The following KANSL3 variants were observed in gnomAD, a reference collection of about 807,000 sequenced individuals.
KANSL3 encodes the protein KAT8 regulatory NSL complex subunit 3, also known as NSL complex protein NSL3.
A neutral mutation model predicts 89.2 loss-of-function variants in KANSL3; 16 were observed. The observed-to-expected ratio is 0.18, with a 90% CI of 0.12 to 0.27. The LOEUF is 0.27. Ranked by LOEUF, KANSL3 falls within the 10% of genes least tolerant of loss-of-function variation. The pLI, the probability that KANSL3 is intolerant of heterozygous loss-of-function variation, is 1.00. For missense variants in KANSL3, 879 were observed against 1,110.6 expected, an observed-to-expected ratio of 0.79 and a Z score of 2.96; for synonymous variants, 385 against 419.7, an observed-to-expected ratio of 0.92 and a Z score of 1.01.
At chr2:96,637,339 A>G in intron 1 of KANSL3, 154 bp from the exon 2 acceptor site, 1 of 478,720 alleles carries the variant, frequency 2.1e-6, no homozygotes, top group South Asian at 3.8e-5. Flanking sequence ...GTGGAATCCC[A>G]CACCAACACC....
At chr2:96,618,404 G>A (rs2070627457) in intron 5 of KANSL3, among the ~76,000 whole-genome samples, 1 of 152,092 alleles carries the variant, frequency 6.6e-6, no homozygotes, top group South Asian at 2.1e-4. Context: ...TGCTCAGGCT[G>A]GTCTCAAACT....
chr2:96,620,873 G>A (rs536857482), intron 3 of KANSL3, among the ~76,000 whole-genome samples: 8 of 152,108 alleles, frequency 5.3e-5, no homozygotes, highest in African/African-American at 1.4e-4. Context: ...ATGGTGGTGC[G>A]TGCCTGTAGC....
chr2:96,586,097 C>T, the KANSL3 span, among the ~76,000 whole-genome samples: 366 of 151,938 alleles, frequency 2.4e-3, 7 homozygotes, highest in East Asian at 0.043. Flanking sequence ...TGGTGGCGGG[C>T]ACCTGTAATC....
At chr2:96,582,272 C>A in the KANSL3 span, among the ~76,000 whole-genome samples, 1 of 152,032 alleles carries the variant, frequency 6.6e-6, no homozygotes, top group African/African-American at 2.4e-5. Flanking sequence ...GTGGCACACG[C>A]CTGTAATCCC....
rs1398833581 is a variant in KANSL3, at chr2:96,608,684, C to T, written c.1585-20G>A. 6.2e-7 allele frequency: 1 copy of T among 1,613,760 alleles called. No homozygotes were observed. The highest frequency in any genetic ancestry group is 8.5e-7 in the Non-Finnish European group (1 of 1,179,830). On this transcript the variant is annotated intron_variant, in intron 13 of 20. Transcript: ENST00000431828. ...GAGATCCTGAGTAAGGTGAGAAGGT[C>T]AAGAGATGAGACAATGTTACTAGGA...
chr2:96,604,229 G>A (rs1358622268), intron 17 of KANSL3, 21 bp downstream of exon 17: 1 of 1,580,870 alleles, frequency 6.3e-7, no homozygotes, highest in Non-Finnish European at 8.6e-7. Flanking sequence ...TGGAAGGGGA[G>A]AATGCTGGGC....
intron 1 of KANSL3, 65 bp from the exon 2 acceptor site, chr2:96,637,250 C>G (rs2074368488): frequency 1.5e-6 from 1 of 654,728 alleles, no homozygotes; most frequent in Admixed American, 2.9e-5. Context: ...TCTACACCAT[C>G]TAACATGCTT....
At chr2:96,586,068 T>C in the KANSL3 span, among the ~76,000 whole-genome samples, 1 of 151,576 alleles carries the variant, frequency 6.6e-6, no homozygotes, top group African/African-American at 2.4e-5. Flanking sequence ...CTACCAAGAA[T>C]ATAAAAATTA....
At chr2:96,591,644 T>G (rs534786077), downstream of KANSL3, among the ~76,000 whole-genome samples, 2 of 152,330 alleles carry the variant, frequency 1.3e-5, no homozygotes, top group Non-Finnish European at 2.9e-5. Context: ...ATGAACCACA[T>G]GACTTCATCT....
intron 14 of KANSL3, among the ~76,000 whole-genome samples, chr2:96,608,304 T>A (rs565194772): frequency 1.3e-5 from 2 of 152,300 alleles, no homozygotes; most frequent in East Asian, 3.9e-4. Context: ...AAGCTATAAC[T>A]AGTGATCACA....
intron 14 of KANSL3, chr2:96,606,018 G>C (rs1246898619): frequency 6.6e-6 from 1 of 152,668 alleles, no homozygotes; most frequent in Non-Finnish European, 1.5e-5. Context: ...AAAAAGTAGA[G>C]TTTTCCAAAG....
intron 3 of KANSL3, among the ~76,000 whole-genome samples, chr2:96,621,111 T>C (rs2071181045): frequency 6.6e-6 from 1 of 152,196 alleles, no homozygotes; most frequent in Admixed American, 6.5e-5. Flanking sequence ...TCCCTAAATG[T>C]AGGGCTGAGA....
At chr2:96,606,596 T>TTAAAAAA in intron 14 of KANSL3, 1 of 194,230 alleles carries the variant, frequency 5.1e-6, no homozygotes, top group Non-Finnish European at 1.1e-5. Context: ...TCTATGCTGA[T>TTAAAAAA]ATGTGGCTGG....
intron 3 of KANSL3, among the ~76,000 whole-genome samples, chr2:96,630,477 T>G (rs1451075548): frequency 1.3e-5 from 2 of 152,226 alleles, no homozygotes; most frequent in Admixed American, 1.3e-4. Context: ...TAGGCAAATC[T>G]ATAAAGACAA....
rs777185699 is a variant in KANSL3, at chr2:96,610,868, G to C, written c.1177C>G (p.Leu393Val). 1.2e-6 allele frequency: 2 copies of C among 1,613,932 alleles called. No individual in the cohort carries two copies. Among genetic ancestry groups the C allele is most frequent in the Admixed American group, 3.3e-5 (2 of 60,028 alleles). The change falls in exon 11 of 21, where the codon CTC becomes GTC. Residue 393 changes from leucine (L) to valine (V), a missense_variant. Transcript: ENST00000431828. ...DGPRGDVDDP[L>V]LDMKTPVLFV... ...AGGACTGGAGTCTTCATATCCAAGA[G>C]GGGATCATCTACATCCTAAAACAGG...
intron 9 of KANSL3, among the ~76,000 whole-genome samples, chr2:96,611,408 T>C (rs554207178): frequency 7.2e-5 from 11 of 152,328 alleles, no homozygotes; most frequent in African/African-American, 2.6e-4. Context: ...TCAGTATTCC[T>C]ACCCTGTCAA....
At chr2:96,607,214 A>T (rs577903425) in intron 14 of KANSL3, among the ~76,000 whole-genome samples, 5 of 152,308 alleles carry the variant, frequency 3.3e-5, no homozygotes, top group South Asian at 4.1e-4. Context: ...AGCATCTAAA[A>T]CTGAATAGTA....
chr2:96,602,955 A>C, intron 17 of KANSL3, 93 bp from the exon 18 acceptor site: 2 of 1,156,092 alleles, frequency 1.7e-6, no homozygotes, highest in Non-Finnish European at 2.5e-6. Flanking sequence ...ACCAACTAAA[A>C]CACCAGTGGT....
At chr2:96,616,566 TTAAAAG>T (rs1399749004) in intron 5 of KANSL3, among the ~76,000 whole-genome samples, 3 of 152,186 alleles carry the variant, frequency 2.0e-5, no homozygotes, top group Admixed American at 2.0e-4. Context: ...AGCAGGCACT[TTAAAAG>T]TAAAACAATC....
Sources: allele counts gnomAD v4.1 joint callset (sites outside exome capture counted in the v4.1 genomes callset), GRCh38; gene constraint gnomAD v4.1.1; transcripts MANE v1.5; gene names NCBI Gene and HGNC (gene_info 2026-07-23, HGNC 2026-07-21).